Variants in GAN observed in about 807,000 individuals in gnomAD.
The protein encoded by GAN is gigaxonin.
A neutral mutation model predicts 71.3 loss-of-function variants in GAN; 48 were observed. The ratio of observed to expected loss-of-function variants is 0.67; its 90% CI spans 0.53 to 0.86. The LOEUF is 0.86. Ranked by LOEUF, GAN falls within the 40% of genes least tolerant of loss-of-function variation. GAN has a pLI of 0.00. For synonymous variants in GAN, 386 were observed against 276.8 expected (o/e 1.39, Z -3.92); for missense variants, 928 against 770.1 (o/e 1.21, Z -2.43).
chr16:81,357,755 AT>A lies in GAN; in HGVS notation c.852-54del, dbSNP rs529915513. 2.9e-3 allele frequency: 4,453 copies of A among 1,537,112 alleles called. 8 individuals carry two copies. The highest frequency in any genetic ancestry group is 3.9e-3 in the Non-Finnish European group (4,276 of 1,110,406). ...AAACTAAAACTAGTGATGGCTACTT[AT>A]AAAAAGAACTGTATGAAGCACATTA... On this transcript the variant is annotated intron_variant, in intron 4 of 10. Transcript: ENST00000648994.
intron 1 of GAN, among the ~76,000 whole-genome samples, chr16:81,335,761 A>T (rs1909738411): frequency 6.6e-6 from 1 of 151,896 alleles, no homozygotes; most frequent in Non-Finnish European, 1.5e-5. Flanking sequence ...AAAAAAAAAA[A>T]AAAAATCCAT....
At chr16:81,366,583 C>T (rs1410608978) in intron 9 of GAN, among the ~76,000 whole-genome samples, 2 of 152,296 alleles carry the variant, frequency 1.3e-5, no homozygotes, top group African/African-American at 4.8e-5. Context: ...TGAGGGCACG[C>T]AGTGAGCAGT....
chr16:81,347,280 G>C (rs963295033), intron 1 of GAN, among the ~76,000 whole-genome samples: 2 of 152,198 alleles, frequency 1.3e-5, no homozygotes, highest in African/African-American at 4.8e-5. Flanking sequence ...GGCAGGAATA[G>C]TAGACAGGAA....
Position 81,315,746 on chromosome 16 carries a change from C to T in GAN, c.167+466C>T, listed in dbSNP as rs535708912. Among the ~76,000 whole-genome samples, 247 of 152,358 alleles carry T rather than the reference C, an allele frequency of 1.6e-3. 1 individual carries two copies. The highest frequency in any genetic ancestry group is 5.8e-3 in the African/African-American group (240 of 41,588). Reference sequence around the variant, plus strand: ...GTTCGCCAGTCGCTCGCCTCTGAATCCACGCGCGGGGGCTGGGCCGGCGCC... The same window carrying T: ...GTTCGCCAGTCGCTCGCCTCTGAATTCACGCGCGGGGGCTGGGCCGGCGCC... On this transcript the variant is annotated intron_variant, in intron 1 of 10. Coordinates refer to ENST00000648994, the MANE Select transcript of GAN (RefSeq NM_022041.4).
intron 1 of GAN, among the ~76,000 whole-genome samples, chr16:81,337,540 G>A (rs1020330903): frequency 1.3e-5 from 2 of 152,184 alleles, no homozygotes; most frequent in Non-Finnish European, 2.9e-5. Context: ...TGGGTGGTTT[G>A]TTGTGGCTTT....
intron 1 of GAN, among the ~76,000 whole-genome samples, chr16:81,351,172 T>C (rs1374944869): frequency 6.6e-6 from 1 of 152,248 alleles, no homozygotes; most frequent in Admixed American, 6.5e-5. Context: ...GAAGACCATC[T>C]GGTTAGAAGC....
rs1188960677 is a variant in GAN, at chr16:81,382,347, A to G, written c.*4751A>G. 6.6e-6 allele frequency: 1 copy of G among 152,212 alleles called. No individual in the cohort carries two copies. Among genetic ancestry groups the G allele is most frequent in the African/African-American group, 2.4e-5 (1 of 41,460 alleles). The allele number at this position is 152,212 out of a possible 1,614,324, so 9.4% of individuals were successfully genotyped here. A position where few individuals can be genotyped will look rare whatever the true frequency, so the allele number is the denominator to read the frequency against. ...AGTATTAATACAATTTACGCTCCCAAACATGTCCTTTGCTAGTTGCACAGG... is the reference window on the plus strand; with the variant it reads ...AGTATTAATACAATTTACGCTCCCAGACATGTCCTTTGCTAGTTGCACAGG... On this transcript the variant is annotated 3_prime_UTR_variant, in exon 11 of 11. Transcript: ENST00000648994.
intron 1 of GAN, among the ~76,000 whole-genome samples, chr16:81,350,847 G>A (rs1437139738): frequency 6.6e-6 from 1 of 152,114 alleles, no homozygotes; most frequent in African/African-American, 2.4e-5. Context: ...GCACAAAAGA[G>A]TCATATGCAA....
At chr16:81,376,487 GTGTGTGTGTGTGTGTGTGTGTGTA>G (rs1228796443) in intron 9 of GAN, among the ~76,000 whole-genome samples, 12 of 148,026 alleles carry the variant, frequency 8.1e-5, no homozygotes, top group African/African-American at 2.8e-4. Flanking sequence ...GTGTGTGTGT[GTGTGTGTGTGTGTGTGTGTGTGTA>G]TGTGTGTGTG....
chr16:81,327,156 A>T (rs1356369596), intron 1 of GAN, among the ~76,000 whole-genome samples: 1 of 152,228 alleles, frequency 6.6e-6, no homozygotes, highest in Admixed American at 6.5e-5. Flanking sequence ...CGAATTCTTT[A>T]TTCAGAAAGA....
At chr16:81,345,450 C>A (rs1002511204) in intron 1 of GAN, among the ~76,000 whole-genome samples, 1 of 152,128 alleles carries the variant, frequency 6.6e-6, no homozygotes, top group Non-Finnish European at 1.5e-5. Flanking sequence ...TTTGCAGGGA[C>A]ATGGATGAAG....
At chr16:81,315,358 C>T (rs1908997152) in intron 1 of GAN, 78 bp downstream of exon 1, 1 of 1,075,474 alleles carries the variant, frequency 9.3e-7, no homozygotes, top group Non-Finnish European at 1.2e-6. Context: ...CGGGCGTGGC[C>T]CCCAGACCCT....
chr16:81,353,974 G>T (rs114867573), intron 2 of GAN, among the ~76,000 whole-genome samples: 1 of 152,118 alleles, frequency 6.6e-6, no homozygotes, highest in South Asian at 2.1e-4. Flanking sequence ...GCCATTTAGC[G>T]GAAGAGTGAA....
chr16:81,363,296 A>G (rs1485607379), intron 6 of GAN, among the ~76,000 whole-genome samples: 3 of 152,212 alleles, frequency 2.0e-5, no homozygotes, highest in Non-Finnish European at 4.4e-5. Flanking sequence ...ATTATGGGTT[A>G]AAAAGTGAGG....
chr16:81,377,176 T>A (rs1248531273), intron 9 of GAN, 43 bp from the exon 10 acceptor site: 1 of 1,135,304 alleles, frequency 8.8e-7, no homozygotes, highest in Non-Finnish European at 1.3e-6. Context: ...GTTGTTGTCA[T>A]CCTTTTGATT....
chr16:81,320,997 C>G (rs1909204941), intron 1 of GAN, among the ~76,000 whole-genome samples: 1 of 151,756 alleles, frequency 6.6e-6, no homozygotes, highest in Non-Finnish European at 1.5e-5. Flanking sequence ...GCGATAATAA[C>G]TATGTTCAGT....
At chr16:81,325,686 T>G (rs1909362440) in intron 1 of GAN, among the ~76,000 whole-genome samples, 1 of 152,088 alleles carries the variant, frequency 6.6e-6, no homozygotes, top group Admixed American at 6.6e-5. Context: ...GTCTCCAGAA[T>G]TAAGGAGGAA....
intron 1 of GAN, among the ~76,000 whole-genome samples, chr16:81,332,017 C>T (rs367814221): frequency 2.0e-5 from 3 of 151,944 alleles, no homozygotes; most frequent in Admixed American, 1.3e-4. Flanking sequence ...CAAAATTAGC[C>T]GGGCATGGTG....
At chr16:81,376,543 A>G (rs1322661879) in intron 9 of GAN, among the ~76,000 whole-genome samples, 2 of 149,072 alleles carry the variant, frequency 1.3e-5, no homozygotes, top group East Asian at 2.0e-4. Flanking sequence ...GTGTATATGT[A>G]TATACACACA....
Sources: gnomAD v4.1 joint callset for allele counts (sites outside exome capture counted in the v4.1 genomes callset) on GRCh38, gnomAD v4.1.1 for gene constraint, MANE v1.5 for transcripts, NCBI Gene and HGNC (gene_info 2026-07-23, HGNC 2026-07-21) for gene names.